Variants in WDR7 observed in about 807,000 individuals in gnomAD.
WDR7 encodes WD repeat domain 7, also known as WD repeat-containing protein 7.
A neutral mutation model predicts 169.4 loss-of-function variants in WDR7; 46 were observed. The observed-to-expected ratio is 0.27, with a 90% CI of 0.21 to 0.35. The LOEUF is 0.35. WDR7 is among the 10% of genes least tolerant of loss of function. WDR7 has a pLI of 1.00. For synonymous variants in WDR7, 612 were observed against 666.8 expected, an observed-to-expected ratio of 0.92 and a Z score of 1.27; for missense variants, 1,534 against 1,859.3, an observed-to-expected ratio of 0.83 and a Z score of 3.22.
chr18:57,010,398 G>A (rs2048120234), intron 26 of WDR7: 2 of 592,130 alleles, frequency 3.4e-6, no homozygotes, highest in Non-Finnish European at 4.2e-6. Flanking sequence ...GAGTGTCCAT[G>A]AATCATCTTT....
chr18:56,829,266 A>T lies in WDR7; in HGVS notation c.3304+13122A>T, dbSNP rs572007758. 2.2e-3 allele frequency among the ~76,000 whole-genome samples: 337 copies of T among 151,988 alleles called. 1 individual carries two copies. The highest frequency in any genetic ancestry group is 4.9e-3 in the African/African-American group (202 of 41,462). On this transcript the variant is annotated intron_variant, in intron 20 of 27. Coordinates refer to ENST00000254442, the MANE Select transcript of WDR7 (RefSeq NM_015285.3). The stretch of plus-strand genomic sequence containing the variant: ...GAGGGAGGCCTTCTGTAAAAAAAAA[A>T]AATAATAAACAAACCCCAACCTCCC...
Position 56,878,025 on chromosome 18 carries a change from T to A in WDR7, c.3305-1919T>A, listed in dbSNP as rs553583881. ...TGCTTATAATATTGCATAATAAATA[T>A]CAAAAAATAATGGTAGACTATTTTT... On this transcript the variant is annotated intron_variant, in intron 20 of 27. Transcript: ENST00000254442. 2.6e-5 allele frequency among the ~76,000 whole-genome samples: 4 copies of A among 152,192 alleles called. No homozygotes were observed. In the South Asian group the frequency reaches 8.3e-4, roughly 32 times the overall value.
chr18:56,755,912 A>T (rs540485544), intron 14 of WDR7, among the ~76,000 whole-genome samples: 1 of 152,178 alleles, frequency 6.6e-6, no homozygotes, highest in Non-Finnish European at 1.5e-5. Flanking sequence ...TCGGGAAAAA[A>T]TAACAATGTC....
chr18:56,699,678 A>G (rs2025780698), intron 12 of WDR7: 1 of 234,294 alleles, frequency 4.3e-6, no homozygotes, highest in Admixed American at 6.5e-5. Flanking sequence ...AAGAATGTAC[A>G]AAGCTGATGA....
intron 22 of WDR7, among the ~76,000 whole-genome samples, chr18:56,932,942 A>G (rs2145679136): frequency 6.6e-6 from 1 of 151,816 alleles, no homozygotes; most frequent in East Asian, 1.9e-4. Context: ...CTTCTCACTA[A>G]ACATTTCCAT....
intron 19 of WDR7, among the ~76,000 whole-genome samples, chr18:56,799,469 A>T (rs1025848675): frequency 1.3e-5 from 2 of 150,782 alleles, no homozygotes; most frequent in Non-Finnish European, 2.9e-5. Flanking sequence ...TGTTACTGAT[A>T]CTCTATATTA....
chr18:56,863,208 C>G (rs962740043), intron 20 of WDR7, among the ~76,000 whole-genome samples: 68 of 151,742 alleles, frequency 4.5e-4, no homozygotes, highest in African/African-American at 1.6e-3. Context: ...CAAATAAAAT[C>G]TCTTTTCTTA....
chr18:56,857,670 G>A lies in WDR7; in HGVS notation c.3305-22274G>A, dbSNP rs2045743620. On this transcript the variant is annotated intron_variant, in intron 20 of 27. Transcript: ENST00000254442. ...TACACATATATGTGTGTGTGCATGTGTGTACATGCTCACACACACCCTGGG... is the reference window on the plus strand; with the variant it reads ...TACACATATATGTGTGTGTGCATGTATGTACATGCTCACACACACCCTGGG... Among the ~76,000 whole-genome samples the A allele has an allele frequency of 2.6e-5, 4 of 152,116 alleles. 1 individual carries two copies. In the South Asian group the frequency reaches 8.3e-4, roughly 32 times the overall value.
intron 13 of WDR7, among the ~76,000 whole-genome samples, chr18:56,718,610 A>C (rs1480577985): frequency 1.3e-5 from 2 of 152,214 alleles, no homozygotes; most frequent in Non-Finnish European, 2.9e-5. Flanking sequence ...TTCGAGTTTC[A>C]GAAAGTTTAT....
At chr18:56,996,395 T>C (rs373446140) in intron 26 of WDR7, among the ~76,000 whole-genome samples, 1 of 152,204 alleles carries the variant, frequency 6.6e-6, no homozygotes, top group South Asian at 2.1e-4. Context: ...AAAGAGACTT[T>C]TGCATAGTTC....
At chr18:56,699,795 A>G (rs1480676715) in intron 12 of WDR7, 1 of 983,898 alleles carries the variant, frequency 1.0e-6, no homozygotes, top group African/African-American at 1.7e-5. Flanking sequence ...ACTTAGGTAG[A>G]TAGTAAACAA....
intron 16 of WDR7, among the ~76,000 whole-genome samples, chr18:56,772,479 G>A (rs943477453): frequency 3.3e-5 from 5 of 152,234 alleles, no homozygotes; most frequent in South Asian, 2.1e-4. Flanking sequence ...AGAAGCTATC[G>A]AGGGGTTTAA....
At chr18:56,965,045 A>T (rs1183282482) in intron 26 of WDR7, among the ~76,000 whole-genome samples, 1 of 152,204 alleles carries the variant, frequency 6.6e-6, no homozygotes, top group Non-Finnish European at 1.5e-5. Context: ...GAATCAAAGG[A>T]TCATTTTGAA....
At chr18:56,832,190 C>T (rs148419485) in intron 20 of WDR7, among the ~76,000 whole-genome samples, 1,807 of 152,214 alleles carry the variant, frequency 0.012, 25 homozygotes, top group Non-Finnish European at 0.015. Context: ...CTTCAGTAGG[C>T]GGTTTTCCTC....
intron 21 of WDR7, among the ~76,000 whole-genome samples, chr18:56,883,614 T>A (rs886727533): frequency 6.6e-6 from 1 of 151,922 alleles, no homozygotes; most frequent in South Asian, 2.1e-4. Flanking sequence ...CCCATCACCC[T>A]ACCAGTGCAC....
At chr18:56,664,938 G>A (rs902314679) in intron 1 of WDR7, among the ~76,000 whole-genome samples, 1 of 152,160 alleles carries the variant, frequency 6.6e-6, no homozygotes, top group African/African-American at 2.4e-5. Flanking sequence ...ATAAATACTT[G>A]TTAAAGTTAA....
intron 26 of WDR7, among the ~76,000 whole-genome samples, chr18:56,970,919 A>G (rs539469979): frequency 2.0e-5 from 3 of 152,336 alleles, no homozygotes; most frequent in East Asian, 3.9e-4. Flanking sequence ...TTTCACAAAT[A>G]GTTTATAAGC....
chr18:56,764,005 C>A (rs939877618), intron 16 of WDR7, among the ~76,000 whole-genome samples: 20 of 151,218 alleles, frequency 1.3e-4, no homozygotes, highest in Admixed American at 1.1e-3. Context: ...AAAGAACTAG[C>A]CTTCTATTCA....
intron 16 of WDR7, 24 bp from the exon 17 acceptor site, chr18:56,776,753 TCTTTA>T (rs764026593): frequency 9.4e-6 from 15 of 1,598,258 alleles, no homozygotes; most frequent in African/African-American, 8.0e-5. Flanking sequence ...AATTCTCTCC[TCTTTA>T]CTTCTTCTCT....
Sources: gnomAD v4.1 joint callset for allele counts (sites outside exome capture counted in the v4.1 genomes callset) on GRCh38, gnomAD v4.1.1 for gene constraint, MANE v1.5 for transcripts, NCBI Gene and HGNC (gene_info 2026-07-23, HGNC 2026-07-21) for gene names.